The following MAP3K4 variants were observed in gnomAD, a reference collection of about 807,000 sequenced individuals.
The protein encoded by MAP3K4 is mitogen-activated protein kinase kinase kinase 4.
A neutral mutation model predicts 185.6 loss-of-function variants in MAP3K4; 67 were observed. The ratio of observed to expected loss-of-function variants is 0.36; its 90% CI spans 0.30 to 0.44. The LOEUF is 0.44. Among genes scored for constraint, MAP3K4 ranks in the 20% least tolerant of loss-of-function variants. The pLI, the probability that MAP3K4 is intolerant of heterozygous loss-of-function variation, is 1.00. For missense variants in MAP3K4, 1,551 were observed against 1,995.1 expected, an observed-to-expected ratio of 0.78 and a Z score of 4.24; for synonymous variants, 702 against 710.4, an observed-to-expected ratio of 0.99 and a Z score of 0.19.
chr6:161,092,993 A>G lies in MAP3K4; in HGVS notation c.3285A>G (p.Gly1095=). The change falls in exon 14 of 27, where the codon GGA becomes GGG. Residue 1095 remains glycine, a synonymous_variant. Transcript: ENST00000392142. ...CGTGTACCAGGTGGGCGACTCAAGG[A>G]TTTGATTTTCTACAAGCAATTGAAC... ...RGTRPRWATQ[G]FDFLQAIEPA... 6.2e-7 allele frequency: 1 copy of G among 1,613,250 alleles called. No individual in the cohort carries two copies. The highest frequency in any genetic ancestry group is 8.5e-7 in the Non-Finnish European group (1 of 1,179,480).
intron 1 of MAP3K4, among the ~76,000 whole-genome samples, chr6:161,013,846 C>A (rs545211430): frequency 3.0e-4 from 46 of 152,172 alleles, no homozygotes; most frequent in Non-Finnish European, 5.7e-4. Flanking sequence ...GGGTCATTGC[C>A]GTGGAAAGGG....
In MAP3K4 at chr6:161,087,618, G is replaced by A; in HGVS notation, c.2557-70G>A. 1 of 1,534,562 alleles carries A rather than the reference G, an allele frequency of 6.5e-7. No homozygotes were observed. Among genetic ancestry groups the A allele is most frequent in the Non-Finnish European group, 8.9e-7 (1 of 1,121,888 alleles). The stretch of plus-strand genomic sequence containing the variant: ...TCCCAAACCTGCCTCTCCTTTCCTA[G>A]GTTTGTTTTAAATAACCTATTTCTC... On this transcript the variant is annotated intron_variant, in intron 9 of 26. Coordinates refer to ENST00000392142, the MANE Select transcript of MAP3K4 (RefSeq NM_005922.4). The surrounding 1 kb of genome is among the most constrained non-coding windows in gnomAD (Gnocchi z 4.9).
Position 161,076,355 on chromosome 6 carries a change from T to C in MAP3K4, c.2097+2743T>C, listed in dbSNP as rs9458113. Among the ~76,000 whole-genome samples, 1,013 of 152,142 alleles carry C rather than the reference T, an allele frequency of 6.7e-3. 6 individuals are homozygous for C. The highest frequency in any genetic ancestry group is 9.5e-3 in the Non-Finnish European group (649 of 68,002). ...GTCAGGAAGACTGCCGAATGGGAGC[T>C]CTCTTAGCAGGGGGAGGGGAAGCAG... On this transcript the variant is annotated intron_variant, in intron 5 of 26. Coordinates refer to ENST00000392142, the MANE Select transcript of MAP3K4 (RefSeq NM_005922.4). The surrounding 1 kb of genome is among the most constrained non-coding windows in gnomAD (Gnocchi z 4.2).
chr6:161,109,809 T>A lies in MAP3K4; in HGVS notation c.4291T>A (p.Ser1431Thr). 6.2e-7 allele frequency: 1 copy of A among 1,614,122 alleles called. No individual in the cohort carries two copies. Among genetic ancestry groups the A allele is most frequent in the Non-Finnish European group, 8.5e-7 (1 of 1,180,022 alleles). ...CGATGAGGGGACTTTAGAAGAGGTG[T>A]CAAGGCTGGGACTTCAGGAACATGT... ...YCDEGTLEEV[S>T]RLGLQEHVIR... Residue 1431 changes from serine to threonine, a missense_variant, in exon 23 of 27, where the codon TCA (serine) becomes ACA (threonine). By Grantham distance (58) the Ser-to-Thr change is moderately conservative (BLOSUM62 1). Coordinates refer to ENST00000392142, the MANE Select transcript of MAP3K4 (RefSeq NM_005922.4). This position sits in a 1 kb window ranked among gnomAD's most constrained non-coding sequence, Gnocchi z 5.7.
At position 161,063,409 on chromosome 6, in the gene MAP3K4, T is replaced by C. The variant is rs935956225; in HGVS notation, c.1708-7199T>C. 2.6e-5 allele frequency among the ~76,000 whole-genome samples: 4 copies of C among 152,110 alleles called. No homozygotes were observed. Among genetic ancestry groups the C allele is most frequent in the African/African-American group, 9.7e-5 (4 of 41,422 alleles). On this transcript the variant is annotated intron_variant, in intron 3 of 26. Coordinates refer to ENST00000392142, the MANE Select transcript of MAP3K4 (RefSeq NM_005922.4). This position sits in a 1 kb window ranked among gnomAD's most constrained non-coding sequence, Gnocchi z 5.4. The stretch of plus-strand genomic sequence containing the variant: ...TTGTGCTAGATTCTACTACAGTTCT[T>C]TTCTGTTGCTTATTTTTAAACATGA...
Position 161,070,549 on chromosome 6 carries a change from A to G in MAP3K4, c.1708-59A>G. 2.0e-6 allele frequency: 3 copies of G among 1,505,526 alleles called. No individual in the cohort carries two copies. The highest frequency in any genetic ancestry group is 2.7e-6 in the Non-Finnish European group (3 of 1,108,732). 93.3% of individuals were successfully genotyped at this position (1,505,526 alleles called of 1,614,324 possible). On this transcript the variant is annotated intron_variant, in intron 3 of 26. Transcript: ENST00000392142. The surrounding 1 kb of genome is among the most constrained non-coding windows in gnomAD (Gnocchi z 4.5). ...TAGAGAATAAGAGTTTATAACCACAACCGTAGAACGTTGTCTCGTATGCTC... is the reference window on the plus strand; with the variant it reads ...TAGAGAATAAGAGTTTATAACCACAGCCGTAGAACGTTGTCTCGTATGCTC...
At chr6:161,019,862 G>T (rs1782296017) in intron 1 of MAP3K4, among the ~76,000 whole-genome samples, 1 of 152,032 alleles carries the variant, frequency 6.6e-6, no homozygotes, top group Admixed American at 6.6e-5. Flanking sequence ...ACTCAAATTT[G>T]TCCGAATAAT....
chr6:161,009,907 G>A (rs139021134), intron 1 of MAP3K4, among the ~76,000 whole-genome samples: 3,268 of 152,242 alleles, frequency 0.021, 333 homozygotes, highest in Admixed American at 0.19. Context: ...TAGAGCTAAT[G>A]CATGCTGGGC....
At position 161,107,048 on chromosome 6, in the gene MAP3K4, GCGCA is replaced by G. The variant is rs1206087321; in HGVS notation, c.4048+345_4048+348del. ...TCTCTCTCTCTCTCTACACACGCGC[GCGCA>G]CACACACACACACACACACACACAC... On this transcript the variant is annotated intron_variant, in intron 20 of 26. Transcript: ENST00000392142. The surrounding 1 kb of genome is among the most constrained non-coding windows in gnomAD (Gnocchi z 6.2). 0.056 allele frequency among the ~76,000 whole-genome samples: 7,941 copies of G among 140,756 alleles called. 530 individuals are homozygous for G. Among genetic ancestry groups the G allele is most frequent in the African/African-American group, 0.16 (6,207 of 39,280 alleles). 92.3% of individuals were successfully genotyped at this position (140,756 alleles called of 152,430 possible).
At position 161,076,740 on chromosome 6, in the gene MAP3K4, C is replaced by T. The variant is rs949158063; in HGVS notation, c.2097+3128C>T. On this transcript the variant is annotated intron_variant, in intron 5 of 26. Coordinates refer to ENST00000392142, the MANE Select transcript of MAP3K4 (RefSeq NM_005922.4). The surrounding 1 kb of genome is among the most constrained non-coding windows in gnomAD (Gnocchi z 4.2). ...GCTCACATGTACACAATTTGAGTTTCTGCAGAAGAACAAAGAGCAAAGAAG... is the reference window on the plus strand; with the variant it reads ...GCTCACATGTACACAATTTGAGTTTTTGCAGAAGAACAAAGAGCAAAGAAG... 6.6e-6 allele frequency among the ~76,000 whole-genome samples: 1 copy of T among 152,236 alleles called. No homozygotes were observed. The highest frequency in any genetic ancestry group is 1.5e-5 in the Non-Finnish European group (1 of 68,038).
At chr6:161,066,374 C>T (rs2114804255) in intron 3 of MAP3K4, among the ~76,000 whole-genome samples, 1 of 151,148 alleles carries the variant, frequency 6.6e-6, no homozygotes, top group South Asian at 2.1e-4. Flanking sequence ...ACTTCCATGT[C>T]TCTTGTTTTT....
At chr6:161,013,031 ATT>A (rs1322483207) in intron 1 of MAP3K4, among the ~76,000 whole-genome samples, 18 of 152,228 alleles carry the variant, frequency 1.2e-4, no homozygotes, top group Admixed American at 1.2e-3. Flanking sequence ...TCTCAAAAGA[ATT>A]TCCTGAAAGT....
chr6:160,995,436 C>G (rs961697587), intron 1 of MAP3K4, among the ~76,000 whole-genome samples: 4 of 152,236 alleles, frequency 2.6e-5, no homozygotes, highest in Non-Finnish European at 1.5e-5. Flanking sequence ...ATGTTGGCCT[C>G]CAAAGCTGTG....
rs1481298922 is a variant in MAP3K4, at chr6:161,108,018, A to G, written c.4119+49A>G. On this transcript the variant is annotated intron_variant, in intron 21 of 26. Transcript: ENST00000392142. The surrounding 1 kb of genome is among the most constrained non-coding windows in gnomAD (Gnocchi z 5.7). ...CCTTTGGGCCTGGCGGCTCTGGGTG[A>G]TAGAAATTCCGTATAGACGCTGGTC... 1.3e-6 allele frequency: 2 copies of G among 1,547,476 alleles called. No individual in the cohort carries two copies. The highest frequency in any genetic ancestry group is 1.8e-6 in the Non-Finnish European group (2 of 1,124,202).
chr6:161,062,461 G>A (rs1428823926), intron 3 of MAP3K4, among the ~76,000 whole-genome samples: 3 of 152,094 alleles, frequency 2.0e-5, no homozygotes, highest in Admixed American at 2.0e-4. Flanking sequence ...TTGTTTAAAG[G>A]CTCATTTTTA....
chr6:161,112,225 TCTTAAAA>T lies in MAP3K4; in HGVS notation c.4519+275_4519+281del, dbSNP rs1390988885. ...ACTCTTTTGTTGTTTGCATTGTTTT[TCTTAAAA>T]CTTAAAAAATGTAGACATTGTTTGT... is the stretch of plus-strand genomic sequence containing the variant. On this transcript the variant is annotated intron_variant, in intron 24 of 26. Transcript: ENST00000392142. The surrounding 1 kb of genome is among the most constrained non-coding windows in gnomAD (Gnocchi z 5.1). 5.3e-5 allele frequency among the ~76,000 whole-genome samples: 8 copies of T among 152,192 alleles called. No individual in the cohort carries two copies. The highest frequency in any genetic ancestry group is 1.9e-4 in the African/African-American group (8 of 41,450).
At chr6:161,050,300 A>G (rs926476266) in intron 3 of MAP3K4, among the ~76,000 whole-genome samples, 3 of 152,224 alleles carry the variant, frequency 2.0e-5, no homozygotes, top group African/African-American at 7.2e-5. Context: ...CACAAGCTGC[A>G]TGTGAGTCAG....
At chr6:161,030,303 G>A (rs1782864086) in intron 1 of MAP3K4, among the ~76,000 whole-genome samples, 1 of 151,986 alleles carries the variant, frequency 6.6e-6, no homozygotes, top group Non-Finnish European at 1.5e-5. Flanking sequence ...TTTTTCTGCT[G>A]TGTCTGGTCT....
intron 2 of MAP3K4, among the ~76,000 whole-genome samples, chr6:161,036,717 C>G (rs1313242849): frequency 6.6e-6 from 1 of 152,160 alleles, no homozygotes; most frequent in South Asian, 2.1e-4. Context: ...AAAGAATTAT[C>G]TTTTGAATAA....
Sources: gnomAD v4.1 joint callset for allele counts (sites outside exome capture counted in the v4.1 genomes callset) on GRCh38, gnomAD v4.1.1 for gene constraint, Gnocchi (gnomAD v3.1) non-coding constraint, MANE v1.5 for transcripts, NCBI Gene and HGNC (gene_info 2026-07-23, HGNC 2026-07-21) for gene names.